The following DCC variants were observed in gnomAD, a reference collection of about 807,000 sequenced individuals.
DCC encodes DCC netrin 1 receptor.
Under a neutral mutation model 172.5 loss-of-function variants are expected in DCC, and 58 were observed. The observed-to-expected ratio is 0.34, with a 90% confidence interval of 0.27 to 0.42. The LOEUF (loss-of-function observed/expected upper bound fraction) is 0.42, where lower values mean the gene tolerates loss of function less well. Among genes scored for constraint, DCC ranks in the 10% least tolerant of loss-of-function variants. DCC has a pLI of 1.00. For missense variants in DCC, 1,740 were observed against 1,791.0 expected, an observed-to-expected ratio of 0.97 and a Z score of 0.51; for synonymous variants, 709 against 644.5, an observed-to-expected ratio of 1.10 and a Z score of -1.52.
chr18:52,704,779 T>C (rs1212354872), intron 1 of DCC, among the ~76,000 whole-genome samples: 1 of 152,222 alleles, frequency 6.6e-6, no homozygotes, highest in Non-Finnish European at 1.5e-5. Flanking sequence ...CGTGCCTTCT[T>C]GGTTTAACTG....
intron 1 of DCC, among the ~76,000 whole-genome samples, chr18:52,362,938 A>G (rs1242918488): frequency 1.3e-5 from 2 of 151,666 alleles, no homozygotes. Context: ...TTGCTCTGTC[A>G]CCTGGGCTGG....
At chr18:53,094,005 TAAAA>T (rs1184556662) in intron 7 of DCC, among the ~76,000 whole-genome samples, 1 of 152,116 alleles carries the variant, frequency 6.6e-6, no homozygotes, top group Non-Finnish European at 1.5e-5. Flanking sequence ...TAAAGTGCTT[TAAAA>T]AAAGTCGTCA....
At chr18:53,454,426 C>T (rs148276361) in intron 23 of DCC, among the ~76,000 whole-genome samples, 278 of 152,254 alleles carry the variant, frequency 1.8e-3, no homozygotes, top group African/African-American at 6.4e-3. Flanking sequence ...CATTTTCTCG[C>T]CCAACATATG....
At chr18:53,312,350 AAAAAAAAAAAAAAG>A (rs2057284043) in intron 13 of DCC, among the ~76,000 whole-genome samples, 1 of 141,824 alleles carries the variant, frequency 7.1e-6, no homozygotes. Flanking sequence ...CAAAAAAAAA[AAAAAAAAAAAAAAG>A]AAAAAGAAAA....
intron 12 of DCC, among the ~76,000 whole-genome samples, chr18:53,250,940 T>C (rs2056423078): frequency 6.6e-6 from 1 of 151,950 alleles, no homozygotes; most frequent in Non-Finnish European, 1.5e-5. Context: ...TGCTGTTCTT[T>C]CCGAACAGAT....
intron 7 of DCC, among the ~76,000 whole-genome samples, chr18:53,103,019 G>A (rs1378731254): frequency 2.0e-5 from 3 of 152,050 alleles, no homozygotes; most frequent in South Asian, 2.1e-4. Context: ...GCTAAGGGAT[G>A]GTTAGCTCAC....
chr18:53,464,736 T>C lies in DCC; in HGVS notation c.3620-3158T>C, dbSNP rs956382905. On this transcript the variant is annotated intron_variant, in intron 24 of 28. Transcript: ENST00000442544. ...TGGCTCACACCTGTAATCCCAGCAC[T>C]TTGGGAGGCCGAGGTGTGCGGATCA... Among the ~76,000 whole-genome samples, 36 of 150,796 alleles carry C rather than the reference T, an allele frequency of 2.4e-4. No individual in the cohort carries two copies. The East Asian group carries it at 6.2e-3, about 26-fold the overall frequency.
chr18:52,552,554 T>C (rs1056593262), intron 1 of DCC, among the ~76,000 whole-genome samples: 1 of 152,074 alleles, frequency 6.6e-6, no homozygotes, highest in Non-Finnish European at 1.5e-5. Flanking sequence ...TATCAAACTA[T>C]ATGAGTTCAT....
intron 1 of DCC, among the ~76,000 whole-genome samples, chr18:52,486,752 G>T (rs2030246243): frequency 6.6e-6 from 1 of 152,108 alleles, no homozygotes; most frequent in Non-Finnish European, 1.5e-5. Flanking sequence ...GGCAAATGGT[G>T]GGTTTCAGCT....
chr18:52,350,378 A>G (rs1316869256), intron 1 of DCC, among the ~76,000 whole-genome samples: 2 of 152,226 alleles, frequency 1.3e-5, no homozygotes, highest in African/African-American at 2.4e-5. Flanking sequence ...TTGCAGGGAC[A>G]TGGATGAAGT....
At chr18:53,341,815 A>G (rs1302269719) in intron 15 of DCC, among the ~76,000 whole-genome samples, 3 of 152,170 alleles carry the variant, frequency 2.0e-5, no homozygotes, top group Non-Finnish European at 4.4e-5. Flanking sequence ...CTGCAAATAA[A>G]TCACCAATTG....
chr18:53,249,244 G>GT (rs920170023), intron 12 of DCC, among the ~76,000 whole-genome samples: 5 of 151,700 alleles, frequency 3.3e-5, no homozygotes, highest in East Asian at 1.9e-4. Context: ...AAAAGTATGT[G>GT]TTTTTTTTAT....
At chr18:52,383,584 T>A (rs548518875) in intron 1 of DCC, among the ~76,000 whole-genome samples, 1 of 152,208 alleles carries the variant, frequency 6.6e-6, no homozygotes, top group South Asian at 2.1e-4. Context: ...TCATCTTTTA[T>A]GGCTAGTCTC....
intron 5 of DCC, among the ~76,000 whole-genome samples, chr18:52,955,246 C>T (rs1366595327): frequency 6.6e-6 from 1 of 152,108 alleles, no homozygotes; most frequent in African/African-American, 2.4e-5. Flanking sequence ...CTGGCAACCA[C>T]TCATCTTTTT....
chr18:52,393,815 C>T (rs1026126942), intron 1 of DCC, among the ~76,000 whole-genome samples: 1 of 152,038 alleles, frequency 6.6e-6, no homozygotes, highest in Non-Finnish European at 1.5e-5. Flanking sequence ...GGGCTCCAAC[C>T]ACAGGCCAAT....
rs547324947 is a variant in DCC at position 52,857,212 on chromosome 18, C to T, written c.413-48832C>T. Reference sequence around the variant, plus strand: ...TAAGTAAATGCCTAATGGCGTGAATCTGAGAGGAGAGTGCTTTTAGTAAAT... The same window carrying T: ...TAAGTAAATGCCTAATGGCGTGAATTTGAGAGGAGAGTGCTTTTAGTAAAT... On this transcript the variant is annotated intron_variant, in intron 2 of 28. Transcript: ENST00000442544. Among the ~76,000 whole-genome samples the T allele has an allele frequency of 3.3e-5, 5 of 152,324 alleles. No individual in the cohort carries two copies. The East Asian group carries it at 9.6e-4, about 29-fold the overall frequency.
chr18:52,984,530 A>G (rs941363635), intron 5 of DCC, among the ~76,000 whole-genome samples: 1 of 152,118 alleles, frequency 6.6e-6, no homozygotes, highest in Non-Finnish European at 1.5e-5. Context: ...AAGTCTTTGT[A>G]TTAGTGTAAA....
chr18:52,585,893 C>A (rs2033659241), intron 1 of DCC, among the ~76,000 whole-genome samples: 1 of 152,020 alleles, frequency 6.6e-6, no homozygotes, highest in African/African-American at 2.4e-5. Flanking sequence ...ACCATCTTGG[C>A]TAACACGGTG....
intron 1 of DCC, among the ~76,000 whole-genome samples, chr18:52,568,908 G>T (rs534165629): frequency 2.5e-4 from 38 of 152,146 alleles, no homozygotes; most frequent in South Asian, 6.2e-4. Flanking sequence ...CACTAATTAT[G>T]GGATTGTCTT....
Sources: gnomAD v4.1 joint callset for allele counts (sites outside exome capture counted in the v4.1 genomes callset) on GRCh38, gnomAD v4.1.1 for gene constraint, MANE v1.5 for transcripts, NCBI Gene and HGNC (gene_info 2026-07-23, HGNC 2026-07-21) for gene names.